Variants in CDK19 observed in about 807,000 individuals in gnomAD.
CDK19 encodes the protein cyclin-dependent kinase 19.
Under a neutral mutation model 68.3 loss-of-function variants are expected in CDK19, and 20 were observed. That is an observed-to-expected ratio of 0.29 (90% CI 0.21 to 0.43). The LOEUF (loss-of-function observed/expected upper bound fraction) is 0.43, where lower values mean the gene tolerates loss of function less well. CDK19 is among the 20% of genes least tolerant of loss of function. The pLI, the probability that CDK19 is intolerant of heterozygous loss-of-function variation, is 1.00. For missense variants in CDK19, 339 were observed against 623.5 expected, an observed-to-expected ratio of 0.54 and a Z score of 4.86; for synonymous variants, 221 against 222.8, an observed-to-expected ratio of 0.99 and a Z score of 0.07.
chr6:110,619,777 A>G (rs1340363455), intron 12 of CDK19, among the ~76,000 whole-genome samples: 1 of 151,988 alleles, frequency 6.6e-6, no homozygotes, highest in Non-Finnish European at 1.5e-5. Context: ...GTCATGTAGG[A>G]GTCTGAATTG....
At chr6:110,672,493 A>G (rs915324085) in intron 2 of CDK19, among the ~76,000 whole-genome samples, 6 of 152,244 alleles carry the variant, frequency 3.9e-5, no homozygotes, top group African/African-American at 1.4e-4. Flanking sequence ...TGTTTTGACT[A>G]GATAATACAT....
rs992457813 is a variant in CDK19 at position 110,705,306 on chromosome 6, C to T, written c.205-34765G>A. Among the ~76,000 whole-genome samples the T allele has an allele frequency of 2.0e-5, 3 of 152,144 alleles. No homozygotes were observed. In the South Asian group the frequency reaches 6.2e-4, roughly 32 times the overall value. On this transcript the variant is annotated intron_variant, in intron 2 of 12. Coordinates refer to ENST00000368911, the MANE Select transcript of CDK19 (RefSeq NM_015076.5). ...CCACCTGCCTCGGCCTCCGTAAGTG[C>T]TGGGATTACAGGCGTGAGCCACTGC... is the stretch of plus-strand genomic sequence containing the variant.
At chr6:110,697,443 T>G (rs931136405) in intron 2 of CDK19, among the ~76,000 whole-genome samples, 1 of 151,934 alleles carries the variant, frequency 6.6e-6, no homozygotes, top group Non-Finnish European at 1.5e-5. Flanking sequence ...GGGAGAAATA[T>G]ACCTAACCAA....
At chr6:110,736,644 A>G (rs1777273849) in intron 2 of CDK19, among the ~76,000 whole-genome samples, 3 of 152,246 alleles carry the variant, frequency 2.0e-5, no homozygotes, top group Admixed American at 2.0e-4. Flanking sequence ...AATGAAATTT[A>G]TGGTCTTAAG....
chr6:110,740,926 C>A (rs1371194918), intron 2 of CDK19, among the ~76,000 whole-genome samples: 2 of 151,986 alleles, frequency 1.3e-5, no homozygotes, highest in Non-Finnish European at 2.9e-5. Context: ...GAAAACTAAA[C>A]AAATAATAAC....
At chr6:110,615,906 C>T (rs1382143776) in intron 12 of CDK19, among the ~76,000 whole-genome samples, 2 of 152,142 alleles carry the variant, frequency 1.3e-5, no homozygotes, top group African/African-American at 4.8e-5. Flanking sequence ...CGGATGACTC[C>T]ACCCAGACTG....
intron 1 of CDK19, among the ~76,000 whole-genome samples, chr6:110,799,545 T>C (rs1216948429): frequency 1.3e-5 from 2 of 152,196 alleles, no homozygotes; most frequent in Admixed American, 1.3e-4. Flanking sequence ...GTAAATACTT[T>C]ATAAATAGTT....
intron 1 of CDK19, among the ~76,000 whole-genome samples, chr6:110,757,243 C>T (rs148785711): frequency 2.0e-5 from 3 of 152,242 alleles, no homozygotes; most frequent in African/African-American, 7.2e-5. Context: ...ATGCCACAGG[C>T]GCCCTTCTTC....
chr6:110,636,454 A>G (rs1779782745), intron 5 of CDK19, among the ~76,000 whole-genome samples: 1 of 152,226 alleles, frequency 6.6e-6, no homozygotes, highest in South Asian at 2.1e-4. Context: ...AGTCACAGCA[A>G]AAGTGGGAGG....
At chr6:110,654,041 T>C (rs12332940) in intron 4 of CDK19, among the ~76,000 whole-genome samples, 1,776 of 152,242 alleles carry the variant, frequency 0.012, 43 homozygotes, top group African/African-American at 0.041. Context: ...TCCTGAATAA[T>C]AGGAACAGAG....
chr6:110,759,432 T>A (rs1240117318), intron 1 of CDK19, among the ~76,000 whole-genome samples: 34 of 110,714 alleles, frequency 3.1e-4, no homozygotes, highest in African/African-American at 1.1e-3. Context: ...AAAAAAAATA[T>A]ATATATATAT....
chr6:110,814,400 C>G (rs987162414), intron 1 of CDK19, among the ~76,000 whole-genome samples: 1 of 152,248 alleles, frequency 6.6e-6, no homozygotes, highest in African/African-American at 2.4e-5. Flanking sequence ...ACCCGGGACG[C>G]CGGGCATACA....
chr6:110,710,090 A>G (rs958878133), intron 2 of CDK19, among the ~76,000 whole-genome samples: 6 of 152,236 alleles, frequency 3.9e-5, no homozygotes, highest in African/African-American at 7.2e-5. Flanking sequence ...TAGATCACAC[A>G]TAACAATGCA....
intron 1 of CDK19, among the ~76,000 whole-genome samples, chr6:110,807,388 A>AAGAATGACTGCCCCT (rs1782750281): frequency 6.6e-6 from 1 of 152,178 alleles, no homozygotes; most frequent in Admixed American, 6.6e-5. Flanking sequence ...AAGGACAACC[A>AAGAATGACTGCCCCT]AGAATGACTG....
intron 2 of CDK19, among the ~76,000 whole-genome samples, chr6:110,718,609 C>A: frequency 7.0e-6 from 1 of 142,122 alleles, no homozygotes. Context: ...TAACCAAAGC[C>A]AGAGAACCAC....
intron 2 of CDK19, among the ~76,000 whole-genome samples, chr6:110,675,649 A>G (rs1211529309): frequency 6.6e-6 from 1 of 151,228 alleles, no homozygotes; most frequent in African/African-American, 2.4e-5. Flanking sequence ...AAAAAAAAAA[A>G]GAATTATGCT....
chr6:110,713,195 CAAA>C (rs552100163), intron 2 of CDK19, among the ~76,000 whole-genome samples: 5 of 50,060 alleles, frequency 1.0e-4, no homozygotes, highest in Non-Finnish European at 8.2e-5. Flanking sequence ...GATCCCATCT[CAAA>C]AAAAAAAAAA....
rs537803267 is a variant in CDK19, at chr6:110,720,665, G to A, written c.204+25461C>T. ...GCAGATTACCTGAGGTCAGGAATTC[G>A]AGACCAGTCTGGCCAACATGGTGAA... On this transcript the variant is annotated intron_variant, in intron 2 of 12. Coordinates refer to ENST00000368911, the MANE Select transcript of CDK19 (RefSeq NM_015076.5). Among the ~76,000 whole-genome samples the A allele has an allele frequency of 1.4e-4, 21 of 152,108 alleles. No individual in the cohort carries two copies. In the East Asian group the frequency reaches 1.7e-3, roughly 13 times the overall value.
chr6:110,694,364 C>T (rs1358552160), intron 2 of CDK19, among the ~76,000 whole-genome samples: 1 of 152,150 alleles, frequency 6.6e-6, no homozygotes, highest in African/African-American at 2.4e-5. Context: ...AATAGCTATT[C>T]TTATATCAGA....
Sources: allele counts gnomAD v4.1 joint callset (sites outside exome capture counted in the v4.1 genomes callset), GRCh38; gene constraint gnomAD v4.1.1; transcripts MANE v1.5; gene names NCBI Gene and HGNC (gene_info 2026-07-23, HGNC 2026-07-21).